The following TTLL4 variants were observed in gnomAD, a reference collection of about 807,000 sequenced individuals.
The protein encoded by TTLL4 is tubulin tyrosine ligase like 4.
In TTLL4, 85 loss-of-function variants were observed where a neutral mutation model predicts 122.7. The ratio of observed to expected loss-of-function variants is 0.69; its 90% CI spans 0.58 to 0.83. The LOEUF (loss-of-function observed/expected upper bound fraction) is 0.83. Ranked by LOEUF, TTLL4 falls within the 40% of genes least tolerant of loss-of-function variation. The pLI is 0.00. For synonymous variants in TTLL4, 553 were observed against 563.0 expected (o/e 0.98, Z 0.25); for missense variants, 1,363 against 1,488.6 (o/e 0.92, Z 1.39).
chr2:218,726,229 T>A (rs1287154289), intron 1 of TTLL4, among the ~76,000 whole-genome samples: 5 of 152,198 alleles, frequency 3.3e-5, no homozygotes, highest in Non-Finnish European at 7.3e-5. Flanking sequence ...AATGTTTCAC[T>A]CTCTCACTTG....
In TTLL4 at chr2:218,754,536, A is replaced by G; in HGVS notation, c.*147A>G. 1 of 1,111,898 alleles carries G rather than the reference A, an allele frequency of 9.0e-7. No homozygotes were observed. Among genetic ancestry groups the G allele is most frequent in the Admixed American group, 2.7e-5 (1 of 37,440 alleles). The allele number at this position is 1,111,898 out of a possible 1,614,324, so 68.9% of individuals were successfully genotyped here. A position where few individuals can be genotyped will look rare whatever the true frequency, so the allele number is the denominator to read the frequency against. On this transcript the variant is annotated 3_prime_UTR_variant, in exon 20 of 20. Transcript: ENST00000392102. ...TTTTTGAAGTGGTTGCATTATAGAG[A>G]TGGGTATTTGTAGGGCCGGAGGGAT...
intron 15 of TTLL4, 92 bp downstream of exon 15, chr2:218,750,238 G>A: frequency 6.6e-7 from 1 of 1,511,184 alleles, no homozygotes. Flanking sequence ...GCTCCCTTCT[G>A]CCAGGTTCCC....
rs776630617 is a variant in TTLL4 at position 218,754,282 on chromosome 2, T to G, written c.3493T>G (p.Ser1165Ala). 7.4e-6 allele frequency: 12 copies of G among 1,614,086 alleles called. No homozygotes were observed. The Admixed American group carries it at 2.0e-4, about 27-fold the overall frequency. Residue 1165 changes from serine (S) to alanine (A), a missense_variant, in exon 20 of 20, where the codon TCT becomes GCT. Ser to Ala is a moderately conservative substitution (Grantham distance 99, BLOSUM62 1). Coordinates refer to ENST00000392102, the MANE Select transcript of TTLL4 (RefSeq NM_014640.5). Reference sequence around the variant, plus strand: ...GGACACCAGCAAAGAGCCCAGCCTTTCTACCCAGACGTTACCTGTGATCAA... The same window carrying G: ...GGACACCAGCAAAGAGCCCAGCCTTGCTACCCAGACGTTACCTGTGATCAA... ...SEDTSKEPSL[S>A]TQTLPVIKCS...
At chr2:218,716,964 A>G (rs1390573336) in intron 1 of TTLL4, among the ~76,000 whole-genome samples, 1 of 152,138 alleles carries the variant, frequency 6.6e-6, no homozygotes, top group Non-Finnish European at 1.5e-5. Flanking sequence ...AAAGGTCAGC[A>G]CAGTAAAAAG....
At position 218,747,959 on chromosome 2, in the gene TTLL4, C is replaced by G. The variant is rs1942893991; in HGVS notation, c.2379-146C>G. ...TAGCTGTGGTTTTTCAGAACTTTGC[C>G]AGTAGACACACTTCTCAGGCTCTTG... is the stretch of plus-strand genomic sequence containing the variant. On this transcript the variant is annotated intron_variant, in intron 11 of 19. Coordinates refer to ENST00000392102, the MANE Select transcript of TTLL4 (RefSeq NM_014640.5). The surrounding 1 kb of genome is among the most constrained non-coding windows in gnomAD (Gnocchi z 4.7). 3.2e-6 allele frequency: 4 copies of G among 1,237,410 alleles called. No individual in the cohort carries two copies. The highest frequency in any genetic ancestry group is 2.8e-5 in the South Asian group (2 of 70,202). 76.7% of individuals were successfully genotyped at this position (1,237,410 alleles called of 1,614,324 possible).
chr2:218,754,558 G>A lies in TTLL4; in HGVS notation c.*169G>A, dbSNP rs775447866. Reference sequence around the variant, plus strand: ...GAGATGGGTATTTGTAGGGCCGGAGGGATGGTAGTGATGGGGAGAAGGTGA... The same window carrying A: ...GAGATGGGTATTTGTAGGGCCGGAGAGATGGTAGTGATGGGGAGAAGGTGA... On this transcript the variant is annotated 3_prime_UTR_variant, in exon 20 of 20. Transcript: ENST00000392102. The A allele has an allele frequency of 1.1e-4, 100 of 892,772 alleles. No homozygotes were observed. Among genetic ancestry groups the A allele is most frequent in the Non-Finnish European group, 5.8e-5 (35 of 604,008 alleles). 55.3% of individuals were successfully genotyped at this position (892,772 alleles called of 1,614,324 possible).
intron 4 of TTLL4, 48 bp downstream of exon 4, chr2:218,740,215 G>A: frequency 6.4e-7 from 1 of 1,568,144 alleles, no homozygotes; most frequent in Non-Finnish European, 8.8e-7. Context: ...GTTATGACCT[G>A]TTGGGCAGGG....
At chr2:218,711,100 A>T in intron 1 of TTLL4, 63 bp downstream of exon 1, 1 of 152,066 alleles carries the variant, frequency 6.6e-6, no homozygotes, top group East Asian at 1.9e-4. Context: ...CACGCTCCCG[A>T]CCTCCCTCTA....
At chr2:218,712,916 T>C (rs1941755193) in intron 1 of TTLL4, among the ~76,000 whole-genome samples, 1 of 152,200 alleles carries the variant, frequency 6.6e-6, no homozygotes, top group African/African-American at 2.4e-5. Flanking sequence ...ATCCCATTCG[T>C]GTAAACTGTA....
chr2:218,739,501 A>G (rs893622004), intron 3 of TTLL4, among the ~76,000 whole-genome samples: 1 of 152,246 alleles, frequency 6.6e-6, no homozygotes, highest in African/African-American at 2.4e-5. Flanking sequence ...CTTTAGAGAA[A>G]GAGTTCGCCA....
At chr2:218,720,013 A>G (rs1475398620) in intron 1 of TTLL4, among the ~76,000 whole-genome samples, 5 of 152,216 alleles carry the variant, frequency 3.3e-5, no homozygotes, top group Non-Finnish European at 5.9e-5. Context: ...TTGGGGAAAT[A>G]AAGTAAAGGA....
rs549230392 is a variant in TTLL4 at position 218,720,123 on chromosome 2, C to G, written c.-177-7146C>G. 3.3e-5 allele frequency among the ~76,000 whole-genome samples: 5 copies of G among 152,256 alleles called. No individual in the cohort carries two copies. In the East Asian group the frequency reaches 9.7e-4, roughly 29 times the overall value. ...TCAGGAGTGGAGAGCTAGTTTGACA[C>G]ACTAGATTGAAGTGGTTGGACATGC... On this transcript the variant is annotated intron_variant, in intron 1 of 19. Coordinates refer to ENST00000392102, the MANE Select transcript of TTLL4 (RefSeq NM_014640.5).
At chr2:218,737,178 T>A (rs898481241) in intron 2 of TTLL4, among the ~76,000 whole-genome samples, 3 of 152,214 alleles carry the variant, frequency 2.0e-5, no homozygotes, top group Non-Finnish European at 4.4e-5. Context: ...TCTCTCTCAC[T>A]TCAGATTTGC....
At chr2:218,713,292 G>C (rs564152814) in intron 1 of TTLL4, among the ~76,000 whole-genome samples, 1 of 152,298 alleles carries the variant, frequency 6.6e-6, no homozygotes, top group Middle Eastern at 3.4e-3. Flanking sequence ...GCTGAGGTGG[G>C]AGGATGTATT....
rs551294952 is a variant in TTLL4, at chr2:218,720,000, C to T, written c.-177-7269C>T. Among the ~76,000 whole-genome samples the T allele has an allele frequency of 3.9e-4, 59 of 152,176 alleles. 1 individual carries two copies. The South Asian group carries it at 0.012, about 31-fold the overall frequency. ...TGTCTTAAATTTCATGACTGGTTTC[C>T]CTTTGGGGAAATAAAGTAAAGGAAA... is the stretch of plus-strand genomic sequence containing the variant. On this transcript the variant is annotated intron_variant, in intron 1 of 19. Transcript: ENST00000392102.
intron 7 of TTLL4, 165 bp from the exon 8 acceptor site, chr2:218,745,990 G>A: frequency 1.1e-6 from 1 of 884,784 alleles, no homozygotes; most frequent in Admixed American, 2.0e-5. Flanking sequence ...GAGAGACAGA[G>A]GGCCATTGTT....
In TTLL4 at chr2:218,737,672, C is replaced by A; in HGVS notation, c.-5C>A. ...GAGACCGTGTGGCCATGATGTGGGC[C>A]CCTCATGGCCTCAGCAGGAACACAG... On this transcript the variant is annotated 5_prime_UTR_variant, in exon 3 of 20. Coordinates refer to ENST00000392102, the MANE Select transcript of TTLL4 (RefSeq NM_014640.5). 6.4e-7 allele frequency: 1 copy of A among 1,571,366 alleles called. No individual in the cohort carries two copies.
rs761669306 is a variant in TTLL4, at chr2:218,748,822, TTCC to T, written c.2502-8_2502-6del. ...AGAATTTAATTCCTAATACTTCCTC[TTCC>T]TCCTCTGCAGGGCACTGAAGGCTTT... is the stretch of plus-strand genomic sequence containing the variant. On this transcript the variant is annotated splice_polypyrimidine_tract_variant and intron_variant, in intron 12 of 19. Transcript: ENST00000392102. 18 of 1,611,758 alleles carry T rather than the reference TTCC, an allele frequency of 1.1e-5. No homozygotes were observed. Among genetic ancestry groups the T allele is most frequent in the Middle Eastern group, 1.6e-4 (1 of 6,076 alleles).
intron 1 of TTLL4, among the ~76,000 whole-genome samples, chr2:218,721,587 A>T (rs1427514880): frequency 6.6e-6 from 1 of 152,146 alleles, no homozygotes; most frequent in Non-Finnish European, 1.5e-5. Flanking sequence ...CATTTTGATG[A>T]CCAGAGGTGA....
Sources: allele counts gnomAD v4.1 joint callset (sites outside exome capture counted in the v4.1 genomes callset), GRCh38; gene constraint gnomAD v4.1.1; non-coding constraint Gnocchi (gnomAD v3.1); transcripts MANE v1.5; gene names NCBI Gene and HGNC (gene_info 2026-07-23, HGNC 2026-07-21).